DISC1: variants seen among roughly 807,000 people sequenced by gnomAD.
DISC1 encodes DISC1 scaffold protein, also known as disrupted in schizophrenia 1 protein.
A neutral mutation model predicts 84.5 loss-of-function variants in DISC1; 57 were observed. The ratio of observed to expected loss-of-function variants is 0.67; its 90% confidence interval spans 0.55 to 0.84. The LOEUF is 0.84. Ranked by LOEUF, DISC1 falls within the 40% of genes least tolerant of loss-of-function variation. DISC1 has a pLI of 0.00. For missense variants in DISC1, 1,000 were observed against 1,057.8 expected (o/e 0.95, Z 0.76); for synonymous variants, 411 against 415.2 (o/e 0.99, Z 0.12).
chr1:231,773,818 C>T (rs952816877), intron 6 of DISC1, among the ~76,000 whole-genome samples: 5 of 152,132 alleles, frequency 3.3e-5, no homozygotes, highest in Non-Finnish European at 5.9e-5. Flanking sequence ...GAGAATCCAC[C>T]ATCCCCAATC....
chr1:232,009,305 A>G lies in DISC1; in HGVS notation c.2307+256A>G. Reference sequence around the variant, plus strand: ...TCATTCTAATTTAGTGGCTAGAATTAGAATATGCAGTCTAATATAGAATTA... The same window carrying G: ...TCATTCTAATTTAGTGGCTAGAATTGGAATATGCAGTCTAATATAGAATTA... On this transcript the variant is annotated intron_variant, in intron 11 of 12. Transcript: ENST00000439617. The surrounding 1 kb of genome is among the most constrained non-coding windows in gnomAD (Gnocchi z 4.6). The G allele has an allele frequency of 7.9e-7, 1 of 1,271,024 alleles. No homozygotes were observed. Among genetic ancestry groups the G allele is most frequent in the Non-Finnish European group, 1.0e-6 (1 of 1,000,918 alleles). The allele number at this position is 1,271,024 out of a possible 1,614,324, so 78.7% of individuals were successfully genotyped here.
At chr1:231,645,662 C>T (rs1304318563) in intron 1 of DISC1, among the ~76,000 whole-genome samples, 1 of 152,122 alleles carries the variant, frequency 6.6e-6, no homozygotes, top group Non-Finnish European at 1.5e-5. Context: ...AATGCTATCC[C>T]TCCCCGCACC....
At chr1:231,909,630 C>T (rs1380153179) in intron 9 of DISC1, among the ~76,000 whole-genome samples, 1 of 152,096 alleles carries the variant, frequency 6.6e-6, no homozygotes, top group South Asian at 2.1e-4. Context: ...GTCTAAAATT[C>T]TCTTTTTTTT....
At chr1:231,668,310 A>G (rs2062218300) in intron 1 of DISC1, among the ~76,000 whole-genome samples, 2 of 152,358 alleles carry the variant, frequency 1.3e-5, no homozygotes, top group Admixed American at 6.5e-5. Context: ...ATTATGCTGT[A>G]TAGTACAGCA....
At chr1:231,743,277 T>G (rs2073551723) in intron 3 of DISC1, among the ~76,000 whole-genome samples, 1 of 152,220 alleles carries the variant, frequency 6.6e-6, no homozygotes, top group South Asian at 2.1e-4. Flanking sequence ...TTGCATAGAT[T>G]ATCTCAGTTA....
At chr1:231,761,813 A>G (rs200583126) in intron 4 of DISC1, among the ~76,000 whole-genome samples, 11 of 152,344 alleles carry the variant, frequency 7.2e-5, no homozygotes, top group Non-Finnish European at 1.6e-4. Flanking sequence ...TTTCTAGGAC[A>G]CAGACTCATT....
intron 9 of DISC1, among the ~76,000 whole-genome samples, chr1:231,921,808 CTT>C (rs11288115): frequency 8.3e-6 from 1 of 120,194 alleles, no homozygotes; most frequent in Admixed American, 9.2e-5. Flanking sequence ...CACTAGTTAC[CTT>C]TTTTTTTTTT....
intron 10 of DISC1, among the ~76,000 whole-genome samples, chr1:232,004,016 A>G (rs1307998206): frequency 6.6e-6 from 1 of 151,532 alleles, no homozygotes; most frequent in East Asian, 1.9e-4. Context: ...TATATTTAAA[A>G]TATTTAATAA....
intron 1 of DISC1, among the ~76,000 whole-genome samples, chr1:231,692,850 G>T (rs1538974): frequency 0.29 from 43,843 of 152,068 alleles, 6,483 homozygotes; most frequent in Admixed American, 0.32. Flanking sequence ...GTTTCGGGTC[G>T]GATTGATTCA....
At chr1:231,685,184 C>G (rs2064121948) in intron 1 of DISC1, 1 of 152,232 alleles carries the variant, frequency 6.6e-6, no homozygotes. Context: ...GTAGAACTCT[C>G]CCTCTCTCTT....
intron 1 of DISC1, among the ~76,000 whole-genome samples, chr1:231,657,180 C>T (rs578040045): frequency 5.9e-5 from 9 of 151,760 alleles, no homozygotes; most frequent in East Asian, 1.9e-4. Flanking sequence ...TCAAATGGTA[C>T]GCCTCTAGGT....
chr1:231,958,721 A>C, intron 9 of DISC1, 107 bp from the exon 10 acceptor site: 1 of 1,088,756 alleles, frequency 9.2e-7, no homozygotes, highest in Non-Finnish European at 1.4e-6. Flanking sequence ...TGTTACGATT[A>C]CTAGTGGCTT....
At chr1:232,011,163 T>C (rs1169304141) in intron 11 of DISC1, among the ~76,000 whole-genome samples, 1 of 152,166 alleles carries the variant, frequency 6.6e-6, no homozygotes, top group Non-Finnish European at 1.5e-5. Context: ...TTTTCCTGCA[T>C]AGCATTATAA....
At chr1:232,027,793 CTGTGTGTGTGTG>C (rs35448234) in intron 12 of DISC1, among the ~76,000 whole-genome samples, 5 of 143,346 alleles carry the variant, frequency 3.5e-5, no homozygotes, top group African/African-American at 1.0e-4. Flanking sequence ...ACTTTATGGG[CTGTGTGTGTGTG>C]TGTGTGTGTG....
At chr1:231,912,954 C>T (rs1157058866) in intron 9 of DISC1, among the ~76,000 whole-genome samples, 1 of 151,410 alleles carries the variant, frequency 6.6e-6, no homozygotes, top group African/African-American at 2.4e-5. Context: ...GTCACCCAAG[C>T]TTGAGTGCAG....
At chr1:232,022,666 A>G (rs1211424652) in intron 11 of DISC1, among the ~76,000 whole-genome samples, 1 of 152,204 alleles carries the variant, frequency 6.6e-6, no homozygotes, top group Non-Finnish European at 1.5e-5. Flanking sequence ...TTTGGACAGA[A>G]CAGAATTTTT....
intron 12 of DISC1, among the ~76,000 whole-genome samples, chr1:232,034,940 C>T (rs371584974): frequency 6.6e-6 from 1 of 152,030 alleles, no homozygotes; most frequent in South Asian, 2.1e-4. Flanking sequence ...ATTCTTTCCT[C>T]CCCTGATCAC....
rs199931623 is a variant in DISC1 at position 231,767,553 on chromosome 1, T to G, written c.1398+284T>G. 9.8e-5 allele frequency among the ~76,000 whole-genome samples: 15 copies of G among 152,330 alleles called. No individual in the cohort carries two copies. In the East Asian group the frequency reaches 2.9e-3, roughly 29 times the overall value. On this transcript the variant is annotated intron_variant, in intron 5 of 12. Transcript: ENST00000439617. ...CTCAAAGAATCCTCCTGCCTCAGTC[T>G]TCCAAAGTGCTGGGATTACAGGCGT...
rs1659145788 is a variant in DISC1 at position 231,954,876 on chromosome 1, G to A, written c.1982-3952G>A. ...GTACTTTTAGGCTGTCTGGCTGGGA[G>A]ATAAGTTGGGTCCAAAGAAAGTAAT... On this transcript the variant is annotated intron_variant, in intron 9 of 12. Coordinates refer to ENST00000439617, the MANE Select transcript of DISC1 (RefSeq NM_018662.3). The surrounding 1 kb of genome is among the most constrained non-coding windows in gnomAD (Gnocchi z 4.8). Among the ~76,000 whole-genome samples the A allele has an allele frequency of 6.6e-6, 1 of 152,200 alleles. No homozygotes were observed. The highest frequency in any genetic ancestry group is 2.4e-5 in the African/African-American group (1 of 41,456).
Sources: allele counts gnomAD v4.1 joint callset (sites outside exome capture counted in the v4.1 genomes callset), GRCh38; gene constraint gnomAD v4.1.1; non-coding constraint Gnocchi (gnomAD v3.1); transcripts MANE v1.5; gene names NCBI Gene and HGNC (gene_info 2026-07-23, HGNC 2026-07-21).